The following CACNA1G variants were observed in gnomAD, a reference collection of about 807,000 sequenced individuals.
CACNA1G encodes the protein voltage-dependent T-type calcium channel subunit alpha-1G.
CACNA1G carries 67 observed loss-of-function variants against 219.4 expected under a neutral mutation model. That is an observed-to-expected ratio of 0.31 (90% confidence interval 0.25 to 0.37). CACNA1G has a LOEUF of 0.37. Ranked by LOEUF, CACNA1G falls within the 10% of genes least tolerant of loss-of-function variation. The pLI is 1.00. For missense variants in CACNA1G, 2,380 were observed against 3,231.4 expected, an observed-to-expected ratio of 0.74 and a Z score of 6.39; for synonymous variants, 1,296 against 1,345.3, an observed-to-expected ratio of 0.96 and a Z score of 0.80.
chr17:50,624,495 G>A lies in CACNA1G; in HGVS notation c.6365G>A (p.Arg2122His), dbSNP rs764266632. 15 of 1,599,014 alleles carry A rather than the reference G, an allele frequency of 9.4e-6. No homozygotes were observed. The highest frequency in any genetic ancestry group is 2.3e-5 in the East Asian group (1 of 44,044). Residue 2122 changes from arginine (R) to histidine (H), a missense_variant, in exon 37 of 38, where the codon CGC becomes CAC. Coordinates refer to ENST00000359106, the MANE Select transcript of CACNA1G (RefSeq NM_018896.5). ...GTIPKLPPPG[R>H]SPLAQRPLRR... ...ATCCCCAAACTGCCCCCACCAGGAC[G>A]CTCCCCTTTGGCTCAGAGGCCACTC...
At chr17:50,570,501 G>T (rs2039148499) in intron 4 of CACNA1G, among the ~76,000 whole-genome samples, 1 of 151,864 alleles carries the variant, frequency 6.6e-6, no homozygotes, top group South Asian at 2.1e-4. Context: ...AGGAATGCAT[G>T]TTTCTGGGGC....
rs2046507633 is a variant in CACNA1G at position 50,600,988 on chromosome 17, G to A, written c.3792-63G>A. ...CACTGGAGGGGCAGGGGCTGCGGGC[G>A]GTGCCTCTCGTTGCCACCTGCCCTG... is the stretch of plus-strand genomic sequence containing the variant. On this transcript the variant is annotated intron_variant, in intron 18 of 37. Coordinates refer to ENST00000359106, the MANE Select transcript of CACNA1G (RefSeq NM_018896.5). The surrounding 1 kb of genome is among the most constrained non-coding windows in gnomAD (Gnocchi z 4.1). 1.8e-5 allele frequency: 28 copies of A among 1,596,464 alleles called. No homozygotes were observed. In the South Asian group the frequency reaches 1.9e-4, roughly 11 times the overall value.
At chr17:50,609,616 G>A (rs1044735847) in intron 25 of CACNA1G, among the ~76,000 whole-genome samples, 2 of 152,266 alleles carry the variant, frequency 1.3e-5, no homozygotes, top group Non-Finnish European at 1.5e-5. Flanking sequence ...CAGGAGAAGC[G>A]GACATCTGTT....
chr17:50,607,730 A>T, intron 24 of CACNA1G, 97 bp from the exon 25 acceptor site: 1 of 975,002 alleles, frequency 1.0e-6, no homozygotes, highest in Non-Finnish European at 1.6e-6. Context: ...AGGCGGCTGT[A>T]GCTATTTGGG....
chr17:50,568,148 G>T (rs1461122453), intron 1 of CACNA1G, among the ~76,000 whole-genome samples: 2 of 152,176 alleles, frequency 1.3e-5, no homozygotes, highest in South Asian at 2.1e-4. Context: ...TAGCAGCGGG[G>T]ACTGCAGCTG....
chr17:50,584,878 G>A (rs1215034567), intron 9 of CACNA1G, among the ~76,000 whole-genome samples: 2 of 152,072 alleles, frequency 1.3e-5, no homozygotes, highest in Non-Finnish European at 2.9e-5. Flanking sequence ...GTGAATAAAG[G>A]CATGAAACAG....
At chr17:50,572,531 CT>C (rs1261467364) in intron 5 of CACNA1G, 22 bp from the exon 6 acceptor site, 3 of 1,512,176 alleles carry the variant, frequency 2.0e-6, no homozygotes, top group East Asian at 2.4e-5. Flanking sequence ...AGTCTCACCC[CT>C]GTTCCCCTTC....
chr17:50,606,846 G>C (rs553072688), intron 23 of CACNA1G, 54 bp from the exon 24 acceptor site: 103 of 1,341,866 alleles, frequency 7.7e-5, no homozygotes, highest in East Asian at 5.1e-4. Context: ...GGTGATAGGT[G>C]ATTCAGCCAC....
In CACNA1G at chr17:50,619,001, A is replaced by G; in HGVS notation, c.5774A>G (p.His1925Arg). ...ARSASHFSLE[H>R]PTDRQLFDTI... ...TCAGCCTCCCACTTTTCCCTGGAGCACCCCACGGTGAGCAGACACCCACCC... is the reference window on the plus strand; with the variant it reads ...TCAGCCTCCCACTTTTCCCTGGAGCGCCCCACGGTGAGCAGACACCCACCC... Residue 1925 changes from histidine (H) to arginine (R), a missense_variant, in exon 33 of 38, where the codon CAC becomes CGC. His to Arg is a conservative substitution (Grantham distance 29, BLOSUM62 0). Coordinates refer to ENST00000359106, the MANE Select transcript of CACNA1G (RefSeq NM_018896.5). 1 of 1,523,082 alleles carries G rather than the reference A, an allele frequency of 6.6e-7. No individual in the cohort carries two copies. The highest frequency in any genetic ancestry group is 2.3e-5 in the East Asian group (1 of 43,966). 94.3% of individuals were successfully genotyped at this position (1,523,082 alleles called of 1,614,324 possible). A position where few individuals can be genotyped will look rare whatever the true frequency, so the allele number is the denominator to read the frequency against.
rs534659338 is a variant in CACNA1G at position 50,571,811 on chromosome 17, G to T, written c.587-67G>T. On this transcript the variant is annotated intron_variant, in intron 4 of 37. Transcript: ENST00000359106. This position sits in a 1 kb window ranked among gnomAD's most constrained non-coding sequence, Gnocchi z 4.3. ...CTGGTGGGGCCCCTCCGGGAGTGCTGCCGGGCCGTGGCAGTCAGCCTAGCC... is the reference window on the plus strand; with the variant it reads ...CTGGTGGGGCCCCTCCGGGAGTGCTTCCGGGCCGTGGCAGTCAGCCTAGCC... 7.4e-5 allele frequency: 116 copies of T among 1,570,122 alleles called. 1 individual carries two copies. The East Asian group carries it at 2.5e-3, about 34-fold the overall frequency.
chr17:50,580,589 G>C (rs529250903), intron 9 of CACNA1G, among the ~76,000 whole-genome samples: 1 of 152,318 alleles, frequency 6.6e-6, no homozygotes, highest in South Asian at 2.1e-4. Context: ...TTGGAGAGAA[G>C]GCAGCAGCCG....
intron 23 of CACNA1G, chr17:50,606,273 G>T: frequency 1.4e-6 from 1 of 717,696 alleles, no homozygotes; most frequent in South Asian, 1.5e-5. Context: ...AGGGTAAGGG[G>T]CTTGCCCAGG....
Position 50,560,734 on chromosome 17 carries a change from G to A in CACNA1G, c.-726G>A, listed in dbSNP as rs1201894293. Among the ~76,000 whole-genome samples the A allele has an allele frequency of 3.9e-5, 6 of 152,154 alleles. No homozygotes were observed. In the East Asian group the frequency reaches 9.6e-4, roughly 24 times the overall value. ...TGTGGTGTGCGCGGGGCTCCTCGCCGCCGCTTTCGCTCGCTCGCTCCGCGT... is the reference window on the plus strand; with the variant it reads ...TGTGGTGTGCGCGGGGCTCCTCGCCACCGCTTTCGCTCGCTCGCTCCGCGT... On this transcript the variant is annotated 5_prime_UTR_variant, in exon 1 of 38. Coordinates refer to ENST00000359106, the MANE Select transcript of CACNA1G (RefSeq NM_018896.5).
Position 50,595,138 on chromosome 17 carries a change from T to G in CACNA1G, c.2979+77T>G, listed in dbSNP as rs1186201117. On this transcript the variant is annotated intron_variant, in intron 14 of 37. Transcript: ENST00000359106. ...CCTCCACTCCGCCTCCGTGTCTCTG[T>G]GCTCGTGTTCACGCTCCGCTGCTGT... is the stretch of plus-strand genomic sequence containing the variant. 4 of 1,110,468 alleles carry G rather than the reference T, an allele frequency of 3.6e-6. No homozygotes were observed. In the East Asian group the frequency reaches 1.0e-4, roughly 29 times the overall value. 68.8% of individuals were successfully genotyped at this position (1,110,468 alleles called of 1,614,324 possible). A position where few individuals can be genotyped will look rare whatever the true frequency, so the allele number is the denominator to read the frequency against.
At chr17:50,601,738 C>G (rs7220260) in intron 19 of CACNA1G, among the ~76,000 whole-genome samples, 10,113 of 152,232 alleles carry the variant, frequency 0.066, 461 homozygotes, top group Middle Eastern at 0.13. Context: ...CCCAGCTCAC[C>G]CTGGGAGCTG....
chr17:50,618,417 A>G lies in CACNA1G; in HGVS notation c.5427+74A>G. ...TGAGCTAGGATTCCTTGGGAAGATG[A>G]ATTGGCCACAAATAAAAGCATGTGA... On this transcript the variant is annotated intron_variant, in intron 32 of 37. Transcript: ENST00000359106. This position sits in a 1 kb window ranked among gnomAD's most constrained non-coding sequence, Gnocchi z 5.3. The G allele has an allele frequency of 3.2e-6, 5 of 1,573,826 alleles. No individual in the cohort carries two copies. The highest frequency in any genetic ancestry group is 4.3e-6 in the Non-Finnish European group (5 of 1,150,844).
In CACNA1G at chr17:50,624,014, TG is replaced by T; in HGVS notation, c.6171del (p.Ser2058AlafsTer79). 6.2e-7 allele frequency: 1 copy of T among 1,613,172 alleles called. No individual in the cohort carries two copies. The highest frequency in any genetic ancestry group is 8.5e-7 in the Non-Finnish European group (1 of 1,179,820). On this transcript the variant is annotated frameshift_variant, in exon 36 of 38. Coordinates refer to ENST00000359106, the MANE Select transcript of CACNA1G (RefSeq NM_018896.5). LOFTEE classifies it high-confidence loss of function. Reference protein sequence around the residue: ...LPNDSYMCRHGSTAEGPLGHR... With the variant: ...LPNDSYMCRHXSTAEGPLGHR... ...CCAATGACAGCTACATGTGTCGGCA[TG>T]GGAGCACTGCCGAGGGGCCCCTGGG...
chr17:50,599,333 G>A (rs1477995633), intron 16 of CACNA1G, 95 bp from the exon 17 acceptor site: 1 of 1,125,990 alleles, frequency 8.9e-7, no homozygotes, highest in Non-Finnish European at 1.2e-6. Flanking sequence ...TACACTTGAT[G>A]TGATGCCAGT....
In CACNA1G at chr17:50,568,945, C is replaced by T. The variant is rs1567960339; in HGVS notation, c.318C>T (p.Asp106=). The T allele has an allele frequency of 6.2e-6, 10 of 1,612,820 alleles. No homozygotes were observed. The highest frequency in any genetic ancestry group is 8.5e-6 in the Non-Finnish European group (10 of 1,179,820). ...TGGGCATGTTCCGGCCATGCGAGGA[C>T]ATCGCCTGTGACTCCCAGCGCTGCC... ...VTLGMFRPCE[D]IACDSQRCRI... is the part of the protein sequence containing the mutation. Residue 106 remains aspartate, a synonymous_variant, in exon 2 of 38, where the codon GAC becomes GAT. Coordinates refer to ENST00000359106, the MANE Select transcript of CACNA1G (RefSeq NM_018896.5).
Sources: gnomAD v4.1 joint callset for allele counts (sites outside exome capture counted in the v4.1 genomes callset) on GRCh38, gnomAD v4.1.1 for gene constraint, Gnocchi (gnomAD v3.1) non-coding constraint, MANE v1.5 for transcripts, NCBI Gene and HGNC (gene_info 2026-07-23, HGNC 2026-07-21) for gene names.